The following SPACA6 variants were observed in gnomAD, a reference collection of about 807,000 sequenced individuals.
SPACA6 encodes the protein sperm acrosome membrane-associated protein 6.
For synonymous variants in SPACA6, 6 were observed against 1.5 expected (o/e 4.05, Z -2.21); for missense variants, 8 against 2.8 (o/e 2.88, Z -1.34).
chr19:51,711,797 C>T (rs1256379699), intron 2 of SPACA6, among the ~76,000 whole-genome samples: 1 of 152,116 alleles, frequency 6.6e-6, no homozygotes, highest in African/African-American at 2.4e-5. Context: ...GCACATACTG[C>T]AGGATTGCAT....
downstream of SPACA6, among the ~76,000 whole-genome samples, chr19:51,709,931 A>G (rs6509567): frequency 0.3 from 45,898 of 152,048 alleles, 7,112 homozygotes; most frequent in South Asian, 0.38. Flanking sequence ...CTGTGCAGTC[A>G]AACCCTCTGC....
chr19:51,693,265 A>G (rs1366787979), upstream of SPACA6: 1 of 721,150 alleles, frequency 1.4e-6, no homozygotes, highest in Non-Finnish European at 2.6e-6. Context: ...GCCAGTCTCT[A>G]GGTCCCTGAG....
chr19:51,693,001 C>G (rs568898088), upstream of SPACA6: 394 of 381,282 alleles, frequency 1.0e-3, 1 homozygote, highest in Non-Finnish European at 1.8e-3. Flanking sequence ...TCCCCTCCTT[C>G]CCCTGAAATC....
upstream of SPACA6, among the ~76,000 whole-genome samples, chr19:51,684,150 G>A (rs1385275904): frequency 1.3e-5 from 2 of 152,108 alleles, no homozygotes; most frequent in African/African-American, 4.8e-5. Context: ...AGAAGGAGGG[G>A]CATCAGTGCT....
upstream of SPACA6, among the ~76,000 whole-genome samples, chr19:51,690,973 C>T (rs1040718155): frequency 6.6e-6 from 1 of 151,766 alleles, no homozygotes; most frequent in Admixed American, 6.6e-5. Flanking sequence ...GACTCTCGCC[C>T]CCGCCTGAGG....
chr19:51,710,150 C>G (rs1189313683), downstream of SPACA6, among the ~76,000 whole-genome samples: 1 of 152,196 alleles, frequency 6.6e-6, no homozygotes, highest in East Asian at 1.9e-4. Flanking sequence ...TACATAGTTC[C>G]TGCTCTATGA....
upstream of SPACA6, among the ~76,000 whole-genome samples, chr19:51,688,955 A>AGG (rs1379458747): frequency 2.6e-5 from 4 of 151,122 alleles, no homozygotes; most frequent in African/African-American, 9.7e-5. Flanking sequence ...AGAGGGAGAG[A>AGG]GAGAGCGAGA....
chr19:51,708,509 G>A (rs1261957500), downstream of SPACA6, among the ~76,000 whole-genome samples: 1 of 152,138 alleles, frequency 6.6e-6, no homozygotes, highest in African/African-American at 2.4e-5. Context: ...GACGGTATGA[G>A]CCATTATGGA....
chr19:51,712,959 T>C (rs1405501844), downstream of SPACA6, among the ~76,000 whole-genome samples: 1 of 151,990 alleles, frequency 6.6e-6, no homozygotes, highest in Non-Finnish European at 1.5e-5. Flanking sequence ...CCCAGGGGAT[T>C]AATAATCCCT....
chr19:51,706,222 A>G (rs1331844262), downstream of SPACA6, among the ~76,000 whole-genome samples: 1 of 151,908 alleles, frequency 6.6e-6, no homozygotes, highest in African/African-American at 2.4e-5. Context: ...CCTCGCATTC[A>G]TCATGATACT....
chr19:51,695,286 C>T (rs78680018), intron 2 of SPACA6, among the ~76,000 whole-genome samples: 7,413 of 152,202 alleles, frequency 0.049, 260 homozygotes, highest in South Asian at 0.12. Context: ...CACGCAATGC[C>T]GATGGGCAGC....
chr19:51,703,371 G>C lies in SPACA6; in HGVS notation c.573+34G>C. The C allele has an allele frequency of 2.5e-6, 1 of 399,266 alleles. No homozygotes were observed. Among genetic ancestry groups the C allele is most frequent in the Non-Finnish European group, 4.4e-6 (1 of 226,064 alleles). 24.7% of individuals were successfully genotyped at this position (399,266 alleles called of 1,614,324 possible). The stretch of plus-strand genomic sequence containing the variant: ...GGGCGGGGCCGGCGCGAAGAGTTTA[G>C]ACGGGCGAGTTAGCCTTCACTAGAG... On this transcript the variant is annotated intron_variant, in intron 6 of 8. Coordinates refer to ENST00000637797, the MANE Select transcript of SPACA6 (RefSeq NM_001316972.2). The surrounding 1 kb of genome is among the most constrained non-coding windows in gnomAD (Gnocchi z 4.2).
At chr19:51,712,284 G>A (rs1230156789) in exon 3 of SPACA6, 1 of 152,138 alleles carries the variant, frequency 6.6e-6, no homozygotes, top group East Asian at 1.9e-4. Context: ...CAAAGTGCTG[G>A]GATTACAGGT....
At chr19:51,709,488 G>A (rs549703422), downstream of SPACA6, among the ~76,000 whole-genome samples, 2 of 141,592 alleles carry the variant, frequency 1.4e-5, no homozygotes, top group Admixed American at 7.4e-5. Context: ...TTGCACTCCA[G>A]CCTGGGCAAA....
upstream of SPACA6, among the ~76,000 whole-genome samples, chr19:51,691,897 C>T (rs2083376760): frequency 6.6e-6 from 1 of 152,090 alleles, no homozygotes; most frequent in African/African-American, 2.4e-5. Context: ...AGAGATGGGG[C>T]TGGGCAGACT....
At chr19:51,695,543 G>GCAT (rs1457298862) in intron 2 of SPACA6, among the ~76,000 whole-genome samples, 4 of 152,248 alleles carry the variant, frequency 2.6e-5, no homozygotes, top group Admixed American at 6.5e-5. Context: ...CACCCAGGGG[G>GCAT]CATCCAGGGC....
At chr19:51,707,184 A>G (rs1485503986), downstream of SPACA6, among the ~76,000 whole-genome samples, 1 of 151,886 alleles carries the variant, frequency 6.6e-6, no homozygotes, top group Non-Finnish European at 1.5e-5. Flanking sequence ...CTCACATGGA[A>G]CTTACATTCT....
At chr19:51,688,915 G>A (rs1354568235), upstream of SPACA6, among the ~76,000 whole-genome samples, 1 of 134,260 alleles carries the variant, frequency 7.4e-6, no homozygotes, top group Non-Finnish European at 1.6e-5. Context: ...GAGAGAGAGA[G>A]AGAGAACGAG....
In SPACA6 at chr19:51,703,455, C is replaced by CA. The variant is rs1221837793; in HGVS notation, c.573+119dup. 1 of 397,200 alleles carries CA rather than the reference C, an allele frequency of 2.5e-6. No homozygotes were observed. Among genetic ancestry groups the CA allele is most frequent in the Non-Finnish European group, 4.4e-6 (1 of 225,450 alleles). The allele number at this position is 397,200 out of a possible 1,614,324, so 24.6% of individuals were successfully genotyped here. ...GGAATCTCCGTCTAGACACAAGCAT[C>CA]AGCAAGAGGAGGGTCGCGGGATTTA... On this transcript the variant is annotated intron_variant, in intron 6 of 8. Transcript: ENST00000637797. The surrounding 1 kb of genome is among the most constrained non-coding windows in gnomAD (Gnocchi z 4.2).
Sources: gnomAD v4.1 joint callset for allele counts (sites outside exome capture counted in the v4.1 genomes callset) on GRCh38, gnomAD v4.1.1 for gene constraint, Gnocchi (gnomAD v3.1) non-coding constraint, MANE v1.5 for transcripts, NCBI Gene and HGNC (gene_info 2026-07-23, HGNC 2026-07-21) for gene names.